Variants in CAMKMT observed in about 807,000 individuals in gnomAD.
CAMKMT encodes the protein calmodulin-lysine N-methyltransferase.
A neutral mutation model predicts 48.0 loss-of-function variants in CAMKMT; 53 were observed. That is an observed-to-expected ratio of 1.10 (90% CI 0.89 to 1.39). The LOEUF is 1.39. Among genes scored for constraint, CAMKMT ranks in the 40% most tolerant of loss-of-function variants. CAMKMT has a pLI of 0.00. For synonymous variants in CAMKMT, 165 were observed against 152.3 expected (o/e 1.08, Z -0.61); for missense variants, 428 against 402.7 (o/e 1.06, Z -0.54).
chr2:44,533,948 C>G (rs991710669), intron 3 of CAMKMT, among the ~76,000 whole-genome samples: 1 of 152,118 alleles, frequency 6.6e-6, no homozygotes, highest in African/African-American at 2.4e-5. Flanking sequence ...GAATGAATTA[C>G]AAAACATTAC....
At chr2:44,486,704 G>T (rs964766896) in intron 3 of CAMKMT, among the ~76,000 whole-genome samples, 5 of 152,302 alleles carry the variant, frequency 3.3e-5, no homozygotes, top group Middle Eastern at 3.4e-3. Flanking sequence ...CACAGATACC[G>T]CTTCTTCCAG....
At chr2:44,753,600 T>C (rs1386185794) in intron 8 of CAMKMT, among the ~76,000 whole-genome samples, 4 of 152,176 alleles carry the variant, frequency 2.6e-5, no homozygotes, top group Non-Finnish European at 5.9e-5. Flanking sequence ...GTCACTAAAC[T>C]CTATTACCTC....
At chr2:44,391,401 TGAACCC>T (rs1681327834) in intron 3 of CAMKMT, among the ~76,000 whole-genome samples, 1 of 152,156 alleles carries the variant, frequency 6.6e-6, no homozygotes, top group Non-Finnish European at 1.5e-5. Context: ...AACACCAACT[TGAACCC>T]GAATGCCTTT....
chr2:44,403,208 CAGTATGTATACCTTAGCAGCT>C (rs1682550472), intron 3 of CAMKMT, among the ~76,000 whole-genome samples: 1 of 152,114 alleles, frequency 6.6e-6, no homozygotes, highest in African/African-American at 2.4e-5. Flanking sequence ...CTGCTTTGGG[CAGTATGTATACCTTAGCAGCT>C]AGCATTTTGG....
intron 3 of CAMKMT, among the ~76,000 whole-genome samples, chr2:44,625,602 A>G (rs900894430): frequency 1.3e-5 from 2 of 151,710 alleles, no homozygotes; most frequent in Non-Finnish European, 2.9e-5. Context: ...CATCATGAAG[A>G]TTTTTCTCCT....
At chr2:44,370,464 A>G (rs1443240029) in intron 1 of CAMKMT, among the ~76,000 whole-genome samples, 1 of 152,172 alleles carries the variant, frequency 6.6e-6, no homozygotes, top group Non-Finnish European at 1.5e-5. Context: ...TTTCATAAAT[A>G]TCCCTTTATT....
chr2:44,597,627 T>G (rs1484103601), intron 3 of CAMKMT, among the ~76,000 whole-genome samples: 1 of 152,186 alleles, frequency 6.6e-6, no homozygotes, highest in Admixed American at 6.5e-5. Context: ...GTTACAAGTG[T>G]GTTAAATAAA....
chr2:44,438,771 C>T (rs1044525777), intron 3 of CAMKMT, among the ~76,000 whole-genome samples: 1 of 152,066 alleles, frequency 6.6e-6, no homozygotes, highest in Non-Finnish European at 1.5e-5. Flanking sequence ...AATCACGGCT[C>T]GCTGCAGCCT....
intron 3 of CAMKMT, among the ~76,000 whole-genome samples, chr2:44,626,171 A>G (rs909935877): frequency 3.3e-5 from 5 of 152,166 alleles, no homozygotes; most frequent in Admixed American, 6.5e-5. Flanking sequence ...ATCTCACTCC[A>G]TTTATTTAGG....
chr2:44,419,138 C>A (rs1683761110), intron 3 of CAMKMT, among the ~76,000 whole-genome samples: 2 of 152,186 alleles, frequency 1.3e-5, no homozygotes, highest in Non-Finnish European at 2.9e-5. Flanking sequence ...TTTATGAGAT[C>A]TGAAGAAGCA....
At chr2:44,532,251 G>A (rs539365243) in intron 3 of CAMKMT, among the ~76,000 whole-genome samples, 1 of 152,296 alleles carries the variant, frequency 6.6e-6, no homozygotes, top group South Asian at 2.1e-4. Flanking sequence ...ATCAAAGAAT[G>A]TACAAATGTC....
intron 7 of CAMKMT, among the ~76,000 whole-genome samples, chr2:44,716,148 ACT>A (rs1375955332): frequency 6.6e-5 from 10 of 151,972 alleles, no homozygotes; most frequent in East Asian, 1.9e-4. Flanking sequence ...TATTAGAATA[ACT>A]CTCTGTTAAA....
chr2:44,768,585 G>T (rs1358662811), intron 10 of CAMKMT, among the ~76,000 whole-genome samples: 1 of 151,940 alleles, frequency 6.6e-6, no homozygotes, highest in Non-Finnish European at 1.5e-5. Context: ...CAGCGCCGCT[G>T]CTCCTCGCCC....
intron 7 of CAMKMT, among the ~76,000 whole-genome samples, chr2:44,734,446 G>A (rs934629265): frequency 5.3e-5 from 8 of 150,982 alleles, no homozygotes; most frequent in South Asian, 4.2e-4. Flanking sequence ...ACAGGTTCTC[G>A]CTGTGATGCC....
chr2:44,603,781 A>G (rs1357665357), intron 3 of CAMKMT, among the ~76,000 whole-genome samples: 1 of 152,214 alleles, frequency 6.6e-6, no homozygotes, highest in Non-Finnish European at 1.5e-5. Context: ...CATTCTTTCA[A>G]TTCAAAGTCA....
intron 8 of CAMKMT, among the ~76,000 whole-genome samples, chr2:44,753,607 C>G (rs1680247978): frequency 1.3e-5 from 2 of 152,118 alleles, no homozygotes; most frequent in African/African-American, 4.8e-5. Context: ...AACTCTATTA[C>G]CTCCTGAGAT....
intron 3 of CAMKMT, among the ~76,000 whole-genome samples, chr2:44,436,158 C>T (rs1350917768): frequency 6.6e-6 from 1 of 152,130 alleles, no homozygotes; most frequent in African/African-American, 2.4e-5. Flanking sequence ...TCACTGCAAC[C>T]TCCACCTCCC....
intron 3 of CAMKMT, among the ~76,000 whole-genome samples, chr2:44,599,289 G>A (rs1254649986): frequency 1.3e-5 from 2 of 152,190 alleles, no homozygotes; most frequent in East Asian, 3.9e-4. Flanking sequence ...ATACCTGGCA[G>A]CTTTCAAAAC....
chr2:44,607,684 G>A (rs983416015), intron 3 of CAMKMT, among the ~76,000 whole-genome samples: 3 of 152,162 alleles, frequency 2.0e-5, no homozygotes, highest in Non-Finnish European at 4.4e-5. Context: ...GCAGAAATGT[G>A]TAATTGATGC....
Sources: gnomAD v4.1 joint callset for allele counts (sites outside exome capture counted in the v4.1 genomes callset) on GRCh38, gnomAD v4.1.1 for gene constraint, MANE v1.5 for transcripts, NCBI Gene and HGNC (gene_info 2026-07-23, HGNC 2026-07-21) for gene names.